SGCZ: variants seen among roughly 807,000 people sequenced by gnomAD.
The protein encoded by SGCZ is zeta-sarcoglycan.
SGCZ carries 40 observed loss-of-function variants against 41.3 expected under a neutral mutation model. That is an observed-to-expected ratio of 0.97 (90% CI 0.75 to 1.26). The LOEUF (loss-of-function observed/expected upper bound fraction) is 1.26, where lower values mean the gene tolerates loss of function less well. SGCZ is among the 50% of genes most tolerant of loss of function. SGCZ has a pLI of 0.00. For synonymous variants in SGCZ, 206 were observed against 137.5 expected (o/e 1.50, Z -3.49); for missense variants, 552 against 369.8 (o/e 1.49, Z -4.04).
At position 14,819,106 on chromosome 8, in the gene SGCZ, C is replaced by T. The variant is rs1801991927; in HGVS notation, c.40-264180G>A. Among the ~76,000 whole-genome samples the T allele has an allele frequency of 2.0e-5, 3 of 149,498 alleles. No individual in the cohort carries two copies. In the South Asian group the frequency reaches 6.3e-4, roughly 32 times the overall value. ...CCTTCCAAGGCACATTATAATCAAA[C>T]TCTCAAAAGTAAAAGACAGAATTCT... On this transcript the variant is annotated intron_variant, in intron 1 of 7. Coordinates refer to ENST00000382080, the MANE Select transcript of SGCZ (RefSeq NM_139167.4).
At chr8:14,775,498 TGTAC>T (rs1285539652) in intron 1 of SGCZ, among the ~76,000 whole-genome samples, 2 of 143,386 alleles carry the variant, frequency 1.4e-5, no homozygotes, top group Admixed American at 7.1e-5. Context: ...TGTGTGTGTG[TGTAC>T]ACAGGGGGGA....
At chr8:14,454,740 C>A (rs559611286) in intron 2 of SGCZ, among the ~76,000 whole-genome samples, 2 of 152,166 alleles carry the variant, frequency 1.3e-5, no homozygotes, top group Non-Finnish European at 2.9e-5. Context: ...TGCAAATGTA[C>A]CTTTGTATAA....
chr8:14,136,681 A>G (rs912201262), intron 5 of SGCZ, among the ~76,000 whole-genome samples: 3 of 152,160 alleles, frequency 2.0e-5, no homozygotes, highest in East Asian at 1.9e-4. Context: ...CCACAGCTCA[A>G]TGAGGCCTGC....
chr8:14,629,587 G>A (rs1388761148), intron 1 of SGCZ, among the ~76,000 whole-genome samples: 1 of 152,054 alleles, frequency 6.6e-6, no homozygotes, highest in East Asian at 1.9e-4. Context: ...TTAGCCACTG[G>A]AAAGTGACTT....
At chr8:14,105,820 G>C (rs754857836) in intron 6 of SGCZ, among the ~76,000 whole-genome samples, 6 of 151,868 alleles carry the variant, frequency 4.0e-5, no homozygotes, top group Non-Finnish European at 8.8e-5. Flanking sequence ...TAAAATACCA[G>C]TTGGTTCTTA....
intron 1 of SGCZ, among the ~76,000 whole-genome samples, chr8:14,600,277 T>G (rs1446166763): frequency 6.6e-6 from 1 of 152,210 alleles, no homozygotes; most frequent in Admixed American, 6.5e-5. Flanking sequence ...TGGACTCAAT[T>G]CCTGTGCATT....
intron 1 of SGCZ, among the ~76,000 whole-genome samples, chr8:14,941,165 C>T (rs1450558025): frequency 6.6e-6 from 1 of 151,956 alleles, no homozygotes; most frequent in African/African-American, 2.4e-5. Context: ...AAATGAAGTA[C>T]CACAGGTATT....
intron 1 of SGCZ, among the ~76,000 whole-genome samples, chr8:14,617,192 A>G (rs1806132814): frequency 6.6e-6 from 1 of 152,174 alleles, no homozygotes; most frequent in African/African-American, 2.4e-5. Flanking sequence ...AGGCAAAGAA[A>G]GTAAAAGTAA....
At chr8:14,440,373 G>C (rs1174397877) in intron 2 of SGCZ, among the ~76,000 whole-genome samples, 1 of 151,908 alleles carries the variant, frequency 6.6e-6, no homozygotes, top group Non-Finnish European at 1.5e-5. Flanking sequence ...TTTTGAATTT[G>C]GTGATAAAAC....
intron 1 of SGCZ, among the ~76,000 whole-genome samples, chr8:14,859,556 G>C (rs954045155): frequency 2.0e-5 from 3 of 152,048 alleles, no homozygotes; most frequent in South Asian, 2.1e-4. Flanking sequence ...CATAGACAAA[G>C]GGTTTCCTTC....
At chr8:14,555,018 A>T (rs1277564153) in intron 1 of SGCZ, 92 bp from the exon 2 acceptor site, 7 of 1,165,088 alleles carry the variant, frequency 6.0e-6, no homozygotes, top group Non-Finnish European at 8.4e-6. Context: ...CAAAAGAACA[A>T]TGTACGTTAA....
At chr8:15,061,530 T>TA (rs56690396) in intron 1 of SGCZ, among the ~76,000 whole-genome samples, 29,432 of 141,788 alleles carry the variant, frequency 0.21, 3,128 homozygotes, top group African/African-American at 0.26. Context: ...TTACAGTATA[T>TA]AAAAAAAAAA....
At chr8:14,326,636 C>G (rs1460751086) in intron 2 of SGCZ, among the ~76,000 whole-genome samples, 3 of 151,978 alleles carry the variant, frequency 2.0e-5, no homozygotes, top group Non-Finnish European at 4.4e-5. Flanking sequence ...GCTGGAAATG[C>G]CTTACAGGAA....
At chr8:14,857,241 A>G (rs1307025021) in intron 1 of SGCZ, among the ~76,000 whole-genome samples, 1 of 152,192 alleles carries the variant, frequency 6.6e-6, no homozygotes, top group Non-Finnish European at 1.5e-5. Flanking sequence ...GGAAGCTGGC[A>G]TCATGCTTCC....
chr8:14,387,841 A>T lies in SGCZ; in HGVS notation c.235-63637T>A, dbSNP rs142127408. Among the ~76,000 whole-genome samples the T allele has an allele frequency of 4.8e-3, 732 of 152,228 alleles. 27 individuals carry two copies. The highest frequency in any genetic ancestry group is 0.035 in the Admixed American group (537 of 15,254). ...CTGGTCTTTGCATTTTTAGCTATTT[A>T]ACACAAAGATCATTCTAGAATACAA... On this transcript the variant is annotated intron_variant, in intron 2 of 7. Transcript: ENST00000382080.
chr8:14,833,811 G>C (rs1397517654), intron 1 of SGCZ, among the ~76,000 whole-genome samples: 2 of 117,036 alleles, frequency 1.7e-5, no homozygotes, highest in Non-Finnish European at 1.6e-5. Context: ...ATGGAGCTAG[G>C]GATGATCCAG....
At chr8:14,590,783 C>G (rs1000100748) in intron 1 of SGCZ, among the ~76,000 whole-genome samples, 4 of 147,482 alleles carry the variant, frequency 2.7e-5, no homozygotes, top group African/African-American at 9.8e-5. Context: ...AATATAGTAT[C>G]TGTACTTTAT....
intron 3 of SGCZ, among the ~76,000 whole-genome samples, chr8:14,285,157 C>T (rs1376041436): frequency 6.6e-6 from 1 of 152,070 alleles, no homozygotes; most frequent in Non-Finnish European, 1.5e-5. Flanking sequence ...GGTCATGATC[C>T]TTCTAGGCTT....
intron 1 of SGCZ, among the ~76,000 whole-genome samples, chr8:15,112,944 A>G (rs2116932785): frequency 6.6e-6 from 1 of 152,232 alleles, no homozygotes; most frequent in African/African-American, 2.4e-5. Flanking sequence ...AAAAATGAAA[A>G]AAAGCAGGGC....
Sources: allele counts gnomAD v4.1 joint callset (sites outside exome capture counted in the v4.1 genomes callset), GRCh38; gene constraint gnomAD v4.1.1; transcripts MANE v1.5; gene names NCBI Gene and HGNC (gene_info 2026-07-23, HGNC 2026-07-21).